The following TRDN variants were observed in gnomAD, a reference collection of about 807,000 sequenced individuals.
The protein encoded by TRDN is triadin.
A neutral mutation model predicts 149.7 loss-of-function variants in TRDN; 161 were observed. The observed-to-expected ratio is 1.08, with a 90% CI of 0.95 to 1.23. TRDN has a LOEUF of 1.23. Ranked by LOEUF, TRDN falls within the 50% of genes most tolerant of loss-of-function variation. The pLI is 0.00. For synonymous variants in TRDN, 294 were observed against 250.5 expected, an observed-to-expected ratio of 1.17 and a Z score of -1.64; for missense variants, 896 against 823.5, an observed-to-expected ratio of 1.09 and a Z score of -1.08.
At position 123,517,936 on chromosome 6, in the gene TRDN, ATTTAT is replaced by A. The variant is rs367625110; in HGVS notation, c.485-1735_485-1731del. Reference sequence around the variant, plus strand: ...ATGAAATCCTTAGGGGCTACATCATATTTATTTTATTTTTTTACATTTCCAAGTCA... The same window carrying A: ...ATGAAATCCTTAGGGGCTACATCATATTTATTTTTTTACATTTCCAAGTCA... On this transcript the variant is annotated intron_variant, in intron 5 of 40. Coordinates refer to ENST00000334268, the MANE Select transcript of TRDN (RefSeq NM_006073.4). Among the ~76,000 whole-genome samples the A allele has an allele frequency of 1.4e-4, 22 of 152,184 alleles. No homozygotes were observed. The South Asian group carries it at 4.4e-3, about 30-fold the overall frequency.
At chr6:123,401,373 T>TA (rs1490140054) in intron 12 of TRDN, among the ~76,000 whole-genome samples, 1 of 152,186 alleles carries the variant, frequency 6.6e-6, no homozygotes, top group Non-Finnish European at 1.5e-5. Flanking sequence ...CTGGTACACT[T>TA]AGTCCTCAGA....
chr6:123,434,233 C>A (rs1003130736), intron 12 of TRDN, among the ~76,000 whole-genome samples: 2 of 152,148 alleles, frequency 1.3e-5, no homozygotes, highest in African/African-American at 4.8e-5. Context: ...TTTATAGATA[C>A]TATTGATAGC....
chr6:123,459,434 C>A (rs1776322981), intron 10 of TRDN, among the ~76,000 whole-genome samples: 1 of 152,034 alleles, frequency 6.6e-6, no homozygotes, highest in South Asian at 2.1e-4. Context: ...TTGTGGTCCC[C>A]TACTGAAGGA....
chr6:123,567,726 A>G (rs907125602), intron 2 of TRDN, among the ~76,000 whole-genome samples: 4 of 152,162 alleles, frequency 2.6e-5, no homozygotes, highest in African/African-American at 9.7e-5. Flanking sequence ...AATTGGCTAA[A>G]CCATTCTTCA....
intron 12 of TRDN, among the ~76,000 whole-genome samples, chr6:123,400,167 G>GTATATATA (rs374126829): frequency 0.22 from 26,743 of 123,096 alleles, 3,401 homozygotes; most frequent in South Asian, 0.47. Flanking sequence ...ATATGTATGT[G>GTATATATA]TATATATATA....
intron 1 of TRDN, among the ~76,000 whole-genome samples, chr6:123,585,108 G>C (rs1374518508): frequency 2.0e-5 from 3 of 150,512 alleles, no homozygotes; most frequent in South Asian, 2.1e-4. Context: ...GGTTGCCAAG[G>C]AGGGAGTAGA....
chr6:123,274,935 T>C (rs767780140), intron 26 of TRDN, among the ~76,000 whole-genome samples: 1 of 152,100 alleles, frequency 6.6e-6, no homozygotes, highest in East Asian at 1.9e-4. Flanking sequence ...AACAGAAACA[T>C]GCTTTGCACT....
At chr6:123,235,581 C>T (rs1037790725) in intron 38 of TRDN, among the ~76,000 whole-genome samples, 18 of 152,280 alleles carry the variant, frequency 1.2e-4, no homozygotes, top group Admixed American at 1.1e-3. Flanking sequence ...TTAAAATAAT[C>T]ACACAGTAAA....
At chr6:123,353,384 GAAAC>G (rs777787981) in intron 20 of TRDN, among the ~76,000 whole-genome samples, 3 of 151,794 alleles carry the variant, frequency 2.0e-5, no homozygotes, top group Non-Finnish European at 4.4e-5. Context: ...ATGAAACTTA[GAAAC>G]ATTCATTCAT....
intron 7 of TRDN, among the ~76,000 whole-genome samples, chr6:123,507,786 C>T (rs1778995178): frequency 6.6e-6 from 1 of 152,128 alleles, no homozygotes; most frequent in African/African-American, 2.4e-5. Flanking sequence ...ATGACATCAG[C>T]ATATTTGATT....
At chr6:123,391,248 A>G (rs1782102786) in intron 13 of TRDN, among the ~76,000 whole-genome samples, 3 of 152,074 alleles carry the variant, frequency 2.0e-5, no homozygotes, top group Admixed American at 2.0e-4. Context: ...TGAAGAATGA[A>G]TCATCTTTTC....
rs9375256 is a variant in TRDN, at chr6:123,497,435, A to G, written c.794-183T>C. Among the ~76,000 whole-genome samples, 126,310 of 152,090 alleles carry G rather than the reference A, an allele frequency of 0.83. 52,655 individuals are homozygous for G. Among genetic ancestry groups the G allele is most frequent in the East Asian group, 0.88 (4,579 of 5,184 alleles). ...ACAGAAGGAAAGAAAGACGACAAAT[A>G]TAATGCTTCATTTCTTCCATACAAA... On this transcript the variant is annotated intron_variant, in intron 8 of 40. Coordinates refer to ENST00000334268, the MANE Select transcript of TRDN (RefSeq NM_006073.4).
intron 24 of TRDN, among the ~76,000 whole-genome samples, chr6:123,316,199 A>G (rs773639580): frequency 3.9e-5 from 6 of 151,950 alleles, no homozygotes; most frequent in Non-Finnish European, 8.8e-5. Flanking sequence ...AGAGCAGCGT[A>G]TGTGCTAATG....
intron 39 of TRDN, among the ~76,000 whole-genome samples, chr6:123,222,149 G>A (rs970582000): frequency 2.6e-5 from 4 of 151,626 alleles, no homozygotes; most frequent in African/African-American, 7.2e-5. Flanking sequence ...ATGGGGTTTT[G>A]GGGGTTTTTC....
intron 14 of TRDN, among the ~76,000 whole-genome samples, chr6:123,383,127 C>T (rs1010470278): frequency 2.8e-4 from 42 of 152,148 alleles, no homozygotes; most frequent in East Asian, 1.9e-4. Flanking sequence ...TAATGGATTT[C>T]TGTGCCTTAC....
At chr6:123,636,534 C>G (rs932918078) in intron 1 of TRDN, among the ~76,000 whole-genome samples, 1 of 151,968 alleles carries the variant, frequency 6.6e-6, no homozygotes, top group South Asian at 2.1e-4. Context: ...AGAACAGTTT[C>G]CACATGCAAA....
chr6:123,592,137 A>G (rs1204263561), intron 1 of TRDN, among the ~76,000 whole-genome samples: 1 of 152,186 alleles, frequency 6.6e-6, no homozygotes, highest in Non-Finnish European at 1.5e-5. Context: ...AATTTTTGTG[A>G]GGAAGAAATG....
intron 1 of TRDN, among the ~76,000 whole-genome samples, chr6:123,598,412 AC>A (rs899526763): frequency 6.6e-6 from 1 of 152,074 alleles, no homozygotes; most frequent in Non-Finnish European, 1.5e-5. Flanking sequence ...TACAAAAAAA[AC>A]ATGAAGTATC....
intron 27 of TRDN, 97 bp downstream of exon 27, chr6:123,274,544 G>A: frequency 9.5e-7 from 1 of 1,054,220 alleles, no homozygotes; most frequent in South Asian, 1.6e-5. Context: ...TGGAGACTAT[G>A]TGCATGTCTC....
Sources: gnomAD v4.1 joint callset for allele counts (sites outside exome capture counted in the v4.1 genomes callset) on GRCh38, gnomAD v4.1.1 for gene constraint, MANE v1.5 for transcripts, NCBI Gene and HGNC (gene_info 2026-07-23, HGNC 2026-07-21) for gene names.